Variants in BRINP3 observed in about 807,000 individuals in gnomAD.
BRINP3 encodes the protein BMP/retinoic acid inducible neural specific 3, also known as BMP/retinoic acid-inducible neural-specific protein 3.
BRINP3 carries 19 observed loss-of-function variants against 71.0 expected under a neutral mutation model. The observed-to-expected ratio is 0.27, with a 90% confidence interval of 0.19 to 0.39. The LOEUF (loss-of-function observed/expected upper bound fraction) is 0.39, where lower values mean the gene tolerates loss of function less well. BRINP3 is among the 10% of genes least tolerant of loss of function. BRINP3 has a pLI of 1.00. For synonymous variants in BRINP3, 380 were observed against 337.7 expected (o/e 1.13, Z -1.37); for missense variants, 959 against 940.8 (o/e 1.02, Z -0.25).
intron 2 of BRINP3, among the ~76,000 whole-genome samples, chr1:190,416,936 T>C (rs1172418569): frequency 6.6e-6 from 1 of 152,210 alleles, no homozygotes; most frequent in Non-Finnish European, 1.5e-5. Context: ...TGGGATTATC[T>C]GTTTCTCTGG....
intron 6 of BRINP3, among the ~76,000 whole-genome samples, chr1:190,163,457 G>A (rs1384603080): frequency 6.6e-6 from 1 of 152,118 alleles, no homozygotes; most frequent in Admixed American, 6.6e-5. Context: ...TATGTATCAA[G>A]TGAGTACTTT....
intron 2 of BRINP3, among the ~76,000 whole-genome samples, chr1:190,298,912 A>G (rs1337285084): frequency 2.0e-5 from 3 of 152,170 alleles, no homozygotes; most frequent in Non-Finnish European, 4.4e-5. Context: ...TGAAATATCC[A>G]TCAATAGTTG....
intron 4 of BRINP3, among the ~76,000 whole-genome samples, chr1:190,247,648 A>G (rs1659731371): frequency 1.3e-5 from 2 of 151,532 alleles, no homozygotes; most frequent in South Asian, 4.2e-4. Flanking sequence ...TATTTCCCAT[A>G]CTTCTCACCC....
intron 6 of BRINP3, among the ~76,000 whole-genome samples, chr1:190,162,339 G>A (rs1202480598): frequency 6.6e-6 from 1 of 151,670 alleles, no homozygotes; most frequent in Non-Finnish European, 1.5e-5. Flanking sequence ...CGTGCCACCA[G>A]GCCCAGCTAC....
At chr1:190,189,054 T>C (rs1653801221) in intron 6 of BRINP3, among the ~76,000 whole-genome samples, 3 of 151,978 alleles carry the variant, frequency 2.0e-5, no homozygotes, top group African/African-American at 7.2e-5. Context: ...GCTGGTATCT[T>C]GTTGAGAATG....
chr1:190,217,764 A>G (rs1558074873), intron 6 of BRINP3, among the ~76,000 whole-genome samples: 1 of 152,046 alleles, frequency 6.6e-6, no homozygotes, highest in Admixed American at 6.6e-5. Context: ...TGTTTTCCCA[A>G]TATCGACATA....
At chr1:190,358,003 A>G (rs1343910489) in intron 2 of BRINP3, among the ~76,000 whole-genome samples, 1 of 152,190 alleles carries the variant, frequency 6.6e-6, no homozygotes, top group Non-Finnish European at 1.5e-5. Flanking sequence ...TTATACAAAA[A>G]TTAATTCAGG....
intron 2 of BRINP3, among the ~76,000 whole-genome samples, chr1:190,282,459 T>G (rs933494638): frequency 3.9e-5 from 6 of 151,958 alleles, no homozygotes; most frequent in Admixed American, 6.6e-5. Flanking sequence ...AAAAGAATTA[T>G]AGCAAACTGC....
At position 190,400,417 on chromosome 1, in the gene BRINP3, GA is replaced by G. The variant is rs200280064; in HGVS notation, c.236+54237del. On this transcript the variant is annotated intron_variant, in intron 2 of 7. Transcript: ENST00000367462. Reference sequence around the variant, plus strand: ...CAACTCTACTGATTAATGTAGTAAAGAAAAAAAGTTACTGGGTGATGTGTAT... The same window carrying G: ...CAACTCTACTGATTAATGTAGTAAAGAAAAAAGTTACTGGGTGATGTGTAT... Among the ~76,000 whole-genome samples the G allele has an allele frequency of 5.5e-3, 834 of 152,162 alleles. 6 individuals carry two copies. Among genetic ancestry groups the G allele is most frequent in the African/African-American group, 0.018 (762 of 41,542 alleles).
At chr1:190,110,567 C>T (rs1356159772) in intron 7 of BRINP3, among the ~76,000 whole-genome samples, 1 of 152,146 alleles carries the variant, frequency 6.6e-6, no homozygotes, top group East Asian at 1.9e-4. Flanking sequence ...CAAGTACCCT[C>T]TACTAAAACA....
At chr1:190,420,084 G>T (rs1247680812) in intron 2 of BRINP3, among the ~76,000 whole-genome samples, 1 of 151,982 alleles carries the variant, frequency 6.6e-6, no homozygotes, top group Non-Finnish European at 1.5e-5. Flanking sequence ...TGGTTTTGCA[G>T]GTGGTCATGT....
chr1:190,221,889 A>G (rs957791986), intron 6 of BRINP3, among the ~76,000 whole-genome samples: 1 of 152,160 alleles, frequency 6.6e-6, no homozygotes, highest in African/African-American at 2.4e-5. Context: ...TTTATGCCCA[A>G]CAACAGAGTT....
chr1:190,395,114 T>C (rs1479333817), intron 2 of BRINP3, among the ~76,000 whole-genome samples: 1 of 151,788 alleles, frequency 6.6e-6, no homozygotes, highest in African/African-American at 2.4e-5. Flanking sequence ...TTATTTCTCA[T>C]ATCATTTTTG....
intron 2 of BRINP3, among the ~76,000 whole-genome samples, chr1:190,398,160 A>T (rs945593115): frequency 1.3e-5 from 2 of 151,928 alleles, no homozygotes; most frequent in Non-Finnish European, 2.9e-5. Context: ...TAGCTAAATG[A>T]TCCTATCATT....
chr1:190,119,887 C>T (rs1039368775), intron 7 of BRINP3, among the ~76,000 whole-genome samples: 4 of 152,172 alleles, frequency 2.6e-5, no homozygotes, highest in Non-Finnish European at 4.4e-5. Flanking sequence ...CAGGCTACTC[C>T]TCACAGGGGT....
chr1:190,116,548 CT>C (rs1185112378), intron 7 of BRINP3, among the ~76,000 whole-genome samples: 1 of 151,864 alleles, frequency 6.6e-6, no homozygotes, highest in African/African-American at 2.4e-5. Context: ...ATGTAACTGG[CT>C]CTCCACCCTG....
intron 4 of BRINP3, among the ~76,000 whole-genome samples, chr1:190,236,786 T>C (rs1048099873): frequency 1.3e-5 from 2 of 151,968 alleles, no homozygotes; most frequent in African/African-American, 4.8e-5. Context: ...AATAAAAGCA[T>C]CAAAGAGAAT....
intron 1 of BRINP3, among the ~76,000 whole-genome samples, chr1:190,460,585 T>C (rs1020968001): frequency 2.6e-5 from 4 of 152,160 alleles, no homozygotes; most frequent in African/African-American, 7.2e-5. Flanking sequence ...TCATGATAAG[T>C]TTTGAGACAG....
At chr1:190,343,056 G>A (rs911065480) in intron 2 of BRINP3, among the ~76,000 whole-genome samples, 1 of 151,624 alleles carries the variant, frequency 6.6e-6, no homozygotes, top group Admixed American at 6.6e-5. Context: ...AATGTATCTA[G>A]GAAAAATATC....
Sources: gnomAD v4.1 joint callset for allele counts (sites outside exome capture counted in the v4.1 genomes callset) on GRCh38, gnomAD v4.1.1 for gene constraint, MANE v1.5 for transcripts, NCBI Gene and HGNC (gene_info 2026-07-23, HGNC 2026-07-21) for gene names.